POLR1A: variants seen among roughly 807,000 people sequenced by gnomAD.
The protein encoded by POLR1A is RNA polymerase I subunit A.
A neutral mutation model predicts 205.3 loss-of-function variants in POLR1A; 84 were observed. That is an observed-to-expected ratio of 0.41 (90% CI 0.34 to 0.49). The LOEUF is 0.49. Ranked by LOEUF, POLR1A falls within the 20% of genes least tolerant of loss-of-function variation. The pLI is 0.22. For synonymous variants in POLR1A, 799 were observed against 863.7 expected (o/e 0.93, Z 1.31); for missense variants, 1,645 against 2,204.5 (o/e 0.75, Z 5.08).
At position 86,105,885 on chromosome 2, in the gene POLR1A, T is replaced by G. The variant is rs1264337189; in HGVS notation, c.-109A>C. 2 of 1,028,166 alleles carry G rather than the reference T, an allele frequency of 1.9e-6. No individual in the cohort carries two copies. Among genetic ancestry groups the G allele is most frequent in the Admixed American group, 4.4e-5 (2 of 45,616 alleles). The allele number at this position is 1,028,166 out of a possible 1,614,324, so 63.7% of individuals were successfully genotyped here. On this transcript the variant is annotated 5_prime_UTR_variant, in exon 1 of 34. Transcript: ENST00000263857. ...AGTCACCACGCGATTCAACGTGCGC[T>G]TGCGCGCGGAAGCGGTCGCAGGAAC... is the stretch of plus-strand genomic sequence containing the variant.
chr2:86,082,175 C>T (rs1463862576), intron 7 of POLR1A, among the ~76,000 whole-genome samples: 2 of 151,942 alleles, frequency 1.3e-5, no homozygotes, highest in Non-Finnish European at 2.9e-5. Context: ...CCCCTGTGTA[C>T]ATGACAGTTT....
At chr2:86,032,457 C>T in intron 28 of POLR1A, 75 bp from the exon 29 acceptor site, 2 of 1,055,664 alleles carry the variant, frequency 1.9e-6, no homozygotes, top group Non-Finnish European at 3.0e-6. Flanking sequence ...ATCCACCCAC[C>T]AACCCATCCA....
intron 27 of POLR1A, among the ~76,000 whole-genome samples, 162 bp downstream of exon 27, chr2:86,038,538 G>A (rs534377678): frequency 2.3e-4 from 35 of 152,324 alleles, no homozygotes; most frequent in African/African-American, 8.4e-4. Context: ...CAGGTTTCCA[G>A]ATCAGGCTGC....
chr2:86,079,234 G>A (rs1349075744), intron 9 of POLR1A, among the ~76,000 whole-genome samples: 3 of 152,220 alleles, frequency 2.0e-5, no homozygotes, highest in African/African-American at 7.2e-5. Context: ...AAAACACTCA[G>A]GGTCCCCTTC....
chr2:86,054,044 T>G, intron 15 of POLR1A, 96 bp downstream of exon 15: 2 of 1,236,292 alleles, frequency 1.6e-6, no homozygotes, highest in Non-Finnish European at 2.3e-6. Context: ...CAGTACCTGC[T>G]TCTGTGAATG....
rs765095561 is a variant in POLR1A, at chr2:86,070,251, C to CA, written c.1632dup (p.Gly545TrpfsTer27). On this transcript the variant is annotated frameshift_variant, in exon 13 of 34. Transcript: ENST00000263857. LOFTEE classifies it high-confidence loss of function. The surrounding 1 kb of genome is among the most constrained non-coding windows in gnomAD (Gnocchi z 4.4). ...TGTCGGTTCAGTAGCAGAATGTCCC[C>CA]ATTCTTCACATGCCGGCACACCTGG... 1.9e-6 allele frequency: 3 copies of CA among 1,611,342 alleles called. No individual in the cohort carries two copies. In the Admixed American group the frequency reaches 5.0e-5, roughly 27 times the overall value.
intron 13 of POLR1A, among the ~76,000 whole-genome samples, chr2:86,069,735 C>CGT (rs1673143359): frequency 1.3e-5 from 2 of 152,356 alleles, no homozygotes; most frequent in South Asian, 4.1e-4. Context: ...AATTTAAGTG[C>CGT]TGAACACAAG....
At chr2:86,104,533 C>T (rs1364074710) in intron 1 of POLR1A, among the ~76,000 whole-genome samples, 2 of 151,462 alleles carry the variant, frequency 1.3e-5, no homozygotes, top group East Asian at 1.9e-4. Flanking sequence ...CTGCAACCTC[C>T]GCCTCCTGGG....
chr2:86,046,172 A>G (rs758248689), intron 19 of POLR1A, among the ~76,000 whole-genome samples: 6 of 152,064 alleles, frequency 3.9e-5, no homozygotes, highest in Admixed American at 6.5e-5. Context: ...GCTCACATCT[A>G]CAATCTTAGC....
In POLR1A at chr2:86,070,402, G is replaced by A; in HGVS notation, c.1612-130C>T. 2 of 983,410 alleles carry A rather than the reference G, an allele frequency of 2.0e-6. No individual in the cohort carries two copies. Among genetic ancestry groups the A allele is most frequent in the Non-Finnish European group, 3.0e-6 (2 of 673,328 alleles). The allele number at this position is 983,410 out of a possible 1,614,324, so 60.9% of individuals were successfully genotyped here. ...CGTTCTAGTTAACTAAATGCAAGGG[G>A]AATTTTTCATCTGGAGCAAAACCCT... On this transcript the variant is annotated intron_variant, in intron 12 of 33. Transcript: ENST00000263857. This position sits in a 1 kb window ranked among gnomAD's most constrained non-coding sequence, Gnocchi z 4.4.
rs1690218112 is a variant in POLR1A, at chr2:86,024,346, A to T, written c.*3077T>A. On this transcript the variant is annotated 3_prime_UTR_variant, in exon 34 of 34. Coordinates refer to ENST00000263857, the MANE Select transcript of POLR1A (RefSeq NM_015425.6). The stretch of plus-strand genomic sequence containing the variant: ...GACAGAACGTAGAACAGTGGTTGCC[A>T]GGGGCTGGGGAGGTGGAAGGAATAG... The T allele has an allele frequency of 6.2e-6, 1 of 160,330 alleles. No individual in the cohort carries two copies. The highest frequency in any genetic ancestry group is 2.4e-5 in the African/African-American group (1 of 41,846). 9.9% of individuals were successfully genotyped at this position (160,330 alleles called of 1,614,324 possible).
chr2:86,081,854 A>G (rs1361357338), intron 7 of POLR1A, 148 bp from the exon 8 acceptor site: 27 of 608,162 alleles, frequency 4.4e-5, no homozygotes. Flanking sequence ...TTTTTGAGAA[A>G]AGGTCTCACT....
rs1363316105 is a variant in POLR1A, at chr2:86,024,110, C to T, written c.*3313G>A. On this transcript the variant is annotated 3_prime_UTR_variant, in exon 34 of 34. Coordinates refer to ENST00000263857, the MANE Select transcript of POLR1A (RefSeq NM_015425.6). ...CAACAGCCAAGAGGTGGAGGCAACCCAAGTGTCCACCAACAGATGAGTGAT... is the reference window on the plus strand; with the variant it reads ...CAACAGCCAAGAGGTGGAGGCAACCTAAGTGTCCACCAACAGATGAGTGAT... The T allele has an allele frequency of 6.5e-6, 1 of 154,142 alleles. No homozygotes were observed. Among genetic ancestry groups the T allele is most frequent in the African/African-American group, 2.4e-5 (1 of 41,526 alleles). 9.5% of individuals were successfully genotyped at this position (154,142 alleles called of 1,614,324 possible).
intron 2 of POLR1A, among the ~76,000 whole-genome samples, chr2:86,099,500 G>A (rs947816161): frequency 6.6e-6 from 1 of 151,958 alleles, no homozygotes; most frequent in African/African-American, 2.4e-5. Flanking sequence ...GTACCAGCAT[G>A]ACTCTAAACA....
chr2:86,074,942 G>A (rs1673252262), intron 12 of POLR1A, 88 bp downstream of exon 12: 1 of 888,842 alleles, frequency 1.1e-6, no homozygotes, highest in Admixed American at 2.3e-5. Context: ...CTGTGTCAGT[G>A]CGCACCGGAG....
Position 86,105,795 on chromosome 2 carries a change from AT to A in POLR1A, c.-20del, listed in dbSNP as rs768593980. 1.9e-6 allele frequency: 3 copies of A among 1,605,490 alleles called. No individual in the cohort carries two copies. Among genetic ancestry groups the A allele is most frequent in the Non-Finnish European group, 2.6e-6 (3 of 1,172,052 alleles). ...TCAACATCCTCCAGGTCCGTTTTGA[AT>A]TCCGACACCCCAAGAGACGTTCCAC... On this transcript the variant is annotated 5_prime_UTR_variant, in exon 1 of 34. Coordinates refer to ENST00000263857, the MANE Select transcript of POLR1A (RefSeq NM_015425.6).
intron 18 of POLR1A, 60 bp from the exon 19 acceptor site, chr2:86,047,323 A>C: frequency 8.5e-7 from 1 of 1,177,642 alleles, no homozygotes; most frequent in Non-Finnish European, 1.3e-6. Flanking sequence ...TCCCAGAATC[A>C]GGATGTAAAT....
chr2:86,093,075 A>G (rs1178979302), intron 3 of POLR1A, among the ~76,000 whole-genome samples: 1 of 152,228 alleles, frequency 6.6e-6, no homozygotes, highest in Admixed American at 6.5e-5. Flanking sequence ...GGAGTCATTC[A>G]CCATGTTAGC....
At chr2:86,046,114 G>A (rs1246575829) in intron 19 of POLR1A, among the ~76,000 whole-genome samples, 1 of 152,078 alleles carries the variant, frequency 6.6e-6, no homozygotes, top group Non-Finnish European at 1.5e-5. Context: ...CATTTATTGC[G>A]ATCCTCACAT....
Sources: gnomAD v4.1 joint callset for allele counts (sites outside exome capture counted in the v4.1 genomes callset) on GRCh38, gnomAD v4.1.1 for gene constraint, Gnocchi (gnomAD v3.1) non-coding constraint, MANE v1.5 for transcripts, NCBI Gene and HGNC (gene_info 2026-07-23, HGNC 2026-07-21) for gene names.